Variants in ARHGAP36 observed in about 807,000 individuals in gnomAD.
ARHGAP36 encodes rho GTPase-activating protein 36.
In ARHGAP36, 7 loss-of-function variants were observed where a neutral mutation model predicts 32.9. That is an observed-to-expected ratio of 0.21 (90% CI 0.12 to 0.40). The LOEUF (loss-of-function observed/expected upper bound fraction) is 0.40. Among genes scored for constraint, ARHGAP36 ranks in the 10% least tolerant of loss-of-function variants. The pLI is 1.00. For missense variants in ARHGAP36, 383 were observed against 442.2 expected, an observed-to-expected ratio of 0.87 and a Z score of 1.20; for synonymous variants, 165 against 168.3, an observed-to-expected ratio of 0.98 and a Z score of 0.15.
chrX:131,084,509 A>G (rs989167574), intron 5 of ARHGAP36, 102 bp downstream of exon 5: 4 of 1,134,832 alleles, frequency 3.5e-6, no homozygotes, highest in East Asian at 3.0e-5. Context: ...AAGGGCTTGG[A>G]TAACATTCCC....
chrX:131,059,296 C>T (rs2079656423), intron 1 of ARHGAP36, among the ~76,000 whole-genome samples: 1 of 109,817 alleles, frequency 9.1e-6, no homozygotes, highest in African/African-American at 3.3e-5. Flanking sequence ...CCCCAGGACC[C>T]CCACCCACAC....
At chrX:131,058,976 C>T (rs1451927098) in intron 1 of ARHGAP36, among the ~76,000 whole-genome samples, 1 of 112,349 alleles carries the variant, frequency 8.9e-6, no homozygotes, top group Non-Finnish European at 1.9e-5. Context: ...AAAGCCTGCC[C>T]AAGGTTACCC....
At chrX:131,082,354 A>C (rs1159101417) in intron 2 of ARHGAP36, among the ~76,000 whole-genome samples, 1 of 112,348 alleles carries the variant, frequency 8.9e-6, no homozygotes, top group African/African-American at 3.2e-5. Context: ...CGTGAGAGAG[A>C]GACGCTCCTA....
At chrX:131,062,231 C>T (rs2079673642) in intron 1 of ARHGAP36, among the ~76,000 whole-genome samples, 2 of 111,728 alleles carry the variant, frequency 1.8e-5, no homozygotes, top group African/African-American at 6.5e-5. Flanking sequence ...AGAAAGAAAT[C>T]GACAATAAGA....
rs368165033 is a variant in ARHGAP36, at chrX:131,063,489, C to T, written c.-143+5045C>T. Among the ~76,000 whole-genome samples the T allele has an allele frequency of 1.7e-4, 19 of 111,302 alleles. 1 individual carries two copies. The highest frequency in any genetic ancestry group is 1.4e-3 in the Admixed American group (15 of 10,480). On this transcript the variant is annotated intron_variant, in intron 1 of 11. Transcript: ENST00000276211. The stretch of plus-strand genomic sequence containing the variant: ...AGGGGTAGGAGCTGGAGAAGTTTTT[C>T]GAAATTCTTAAATCCTCAGAGGGAC...
chrX:131,079,557 TTTTTG>T (rs1445545284), intron 1 of ARHGAP36, among the ~76,000 whole-genome samples: 12 of 59,251 alleles, frequency 2.0e-4, no homozygotes, highest in Non-Finnish European at 3.5e-4. Flanking sequence ...TGTTTTTTGT[TTTTTG>T]TTTTTTTTTT....
chrX:131,059,055 A>C (rs2079655436), intron 1 of ARHGAP36, among the ~76,000 whole-genome samples: 1 of 111,920 alleles, frequency 8.9e-6, no homozygotes, highest in Non-Finnish European at 1.9e-5. Flanking sequence ...ACTGCCCAGT[A>C]GTGGACCCCT....
rs941461541 is a variant in ARHGAP36, at chrX:131,081,911, T to G, written c.246T>G (p.Pro82=). ...GACATTTCCTCTCCGAATTCAAACCTGACAGAGGTAAGCTGTACCCCGGAT... is the reference window on the plus strand; with the variant it reads ...GACATTTCCTCTCCGAATTCAAACCGGACAGAGGTAAGCTGTACCCCGGAT... ...VARHFLSEFK[P]DRALPIDRPN... The change falls in exon 2 of 12, where the codon CCT becomes CCG. Residue 82 remains proline (P), a synonymous_variant. Transcript: ENST00000276211. 3.3e-6 allele frequency: 4 copies of G among 1,209,703 alleles called. No homozygotes were observed. In the African/African-American group the frequency reaches 5.2e-5, roughly 16 times the overall value.
Position 131,086,597 on chromosome X carries a change from C to G in ARHGAP36, c.1418C>G (p.Ser473Cys), listed in dbSNP as rs768421215. 8.3e-7 allele frequency: 1 copy of G among 1,212,105 alleles called. No individual in the cohort carries two copies. The highest frequency in any genetic ancestry group is 2.2e-5 in the Admixed American group (1 of 46,104). ...AAGATGGAAGAGGATGCACTACTTTCTGATCCAGTGGAAACCTCTGCTGAA... is the reference window on the plus strand; with the variant it reads ...AAGATGGAAGAGGATGCACTACTTTGTGATCCAGTGGAAACCTCTGCTGAA... Reference protein sequence around the residue: ...RIKMEEDALLSDPVETSAEAR... With the variant: ...RIKMEEDALLCDPVETSAEAR... Residue 473 changes from serine to cysteine, a missense_variant, in exon 11 of 12, where the codon TCT becomes TGT. Physicochemically the swap from Ser to Cys is moderately radical, Grantham distance 112. Coordinates refer to ENST00000276211, the MANE Select transcript of ARHGAP36 (RefSeq NM_144967.4).
At chrX:131,065,509 GA>G (rs2079693764) in intron 1 of ARHGAP36, among the ~76,000 whole-genome samples, 1 of 111,333 alleles carries the variant, frequency 9.0e-6, no homozygotes, top group Non-Finnish European at 1.9e-5. Flanking sequence ...GGAGGTGTCA[GA>G]TTGGCCCCAC....
At chrX:131,087,803 T>C (rs1427603194) in intron 11 of ARHGAP36, among the ~76,000 whole-genome samples, 1 of 111,911 alleles carries the variant, frequency 8.9e-6, no homozygotes, top group Non-Finnish European at 1.9e-5. Flanking sequence ...AAACCAAGAC[T>C]CTGAAGAAAG....
chrX:131,077,740 C>G (rs2079770418), intron 1 of ARHGAP36, among the ~76,000 whole-genome samples: 1 of 94,027 alleles, frequency 1.1e-5, no homozygotes, highest in African/African-American at 4.3e-5. Context: ...CATATTCTAG[C>G]CCCTTTACTT....
At position 131,085,619 on chromosome X, in the gene ARHGAP36, G is replaced by T. The variant is rs878971090; in HGVS notation, c.987G>T (p.Leu329=). The T allele has an allele frequency of 8.3e-7, 1 of 1,211,308 alleles. No individual in the cohort carries two copies. Among genetic ancestry groups the T allele is most frequent in the Admixed American group, 2.2e-5 (1 of 45,983 alleles). Residue 329 remains leucine, a synonymous_variant, in exon 8 of 12, where the codon CTG becomes CTT. Transcript: ENST00000276211. ...TLKPQDQLSA[L]QLLVYLMPPC... ...AGCCCCAGGATCAGCTTTCTGCCCT[G>T]CAGTTGCTGGTCTACCTGATGCCAC...
At chrX:131,062,723 T>C (rs1200089653) in intron 1 of ARHGAP36, among the ~76,000 whole-genome samples, 1 of 112,297 alleles carries the variant, frequency 8.9e-6, no homozygotes, top group Non-Finnish European at 1.9e-5. Context: ...GAAGCTTTTT[T>C]CCCAAATGTT....
chrX:131,086,640 T>C lies in ARHGAP36; in HGVS notation c.1461T>C (p.Leu487=). 8.3e-7 allele frequency: 1 copy of C among 1,211,869 alleles called. No individual in the cohort carries two copies. The highest frequency in any genetic ancestry group is 1.1e-6 in the Non-Finnish European group (1 of 895,475). ...CTGCTGAAGCCCGGGCTGCTGTCCT[T>C]GCTCAAAGCAAGCCTTCTGATGAAG... ...ETSAEARAAV[L]AQSKPSDEGS... The change falls in exon 11 of 12, where the codon CTT becomes CTC. Residue 487 remains leucine, a synonymous_variant. Coordinates refer to ENST00000276211, the MANE Select transcript of ARHGAP36 (RefSeq NM_144967.4).
At chrX:131,075,752 G>A (rs1411173664) in intron 1 of ARHGAP36, among the ~76,000 whole-genome samples, 1 of 110,298 alleles carries the variant, frequency 9.1e-6, no homozygotes, top group Non-Finnish European at 1.9e-5. Flanking sequence ...CCTTAGGAAA[G>A]AAGGTAGTCT....
chrX:131,086,810 A>T, intron 11 of ARHGAP36, 145 bp downstream of exon 11: 1 of 468,421 alleles, frequency 2.1e-6, no homozygotes, highest in South Asian at 3.8e-5. Context: ...CTAGTATTTG[A>T]ATATCTTAAT....
chrX:131,084,146 C>T, intron 4 of ARHGAP36, 69 bp from the exon 5 acceptor site: 1 of 1,083,465 alleles, frequency 9.2e-7, no homozygotes, highest in African/African-American at 1.8e-5. Context: ...GTCATACATA[C>T]AGTACTCAGG....
In ARHGAP36 at chrX:131,086,094, G is replaced by A. The variant is rs752065614; in HGVS notation, c.1281+5G>A. The stretch of plus-strand genomic sequence containing the variant: ...AACTGGGATGTCCTCTTCCAGGTAG[G>A]TGCAAGTTTTGGATGCACTTGTTTT... On this transcript the variant is annotated splice_donor_5th_base_variant and intron_variant, in intron 9 of 11. Transcript: ENST00000276211. The A allele has an allele frequency of 7.4e-6, 9 of 1,209,580 alleles. No individual in the cohort carries two copies. Among genetic ancestry groups the A allele is most frequent in the East Asian group, 3.0e-5 (1 of 33,821 alleles).
Sources: allele counts gnomAD v4.1 joint callset (sites outside exome capture counted in the v4.1 genomes callset), GRCh38; gene constraint gnomAD v4.1.1; transcripts MANE v1.5; gene names NCBI Gene and HGNC (gene_info 2026-07-23, HGNC 2026-07-21).